Variants in LEMD3 observed in about 807,000 individuals in gnomAD.
LEMD3 encodes LEM domain containing 3.
In LEMD3, 33 loss-of-function variants were observed where a neutral mutation model predicts 95.2. The observed-to-expected ratio is 0.35, with a 90% CI of 0.26 to 0.46. LEMD3 has a LOEUF of 0.46. Ranked by LOEUF, LEMD3 falls within the 20% of genes least tolerant of loss-of-function variation. The pLI is 1.00. For missense variants in LEMD3, 1,210 were observed against 1,192.8 expected, an observed-to-expected ratio of 1.01 and a Z score of -0.21; for synonymous variants, 525 against 474.6, an observed-to-expected ratio of 1.11 and a Z score of -1.38.
rs1868462845 is a variant in LEMD3 at position 65,169,938 on chromosome 12, C to G, written c.342C>G (p.Gly114=). Residue 114 remains glycine (G), a synonymous_variant, in exon 1 of 13, where the codon GGC becomes GGG. Transcript: ENST00000308330. ...GCCTGTGCCGAATCTCGGCCTCTGG[C>G]CCAGAGAGCCTCCTGGGAGGGCCCG... ...PGGLCRISAS[G]PESLLGGPGG... 10 of 1,452,498 alleles carry G rather than the reference C, an allele frequency of 6.9e-6. No individual in the cohort carries two copies. Among genetic ancestry groups the G allele is most frequent in the African/African-American group, 1.5e-5 (1 of 67,260 alleles). 90.0% of individuals were successfully genotyped at this position (1,452,498 alleles called of 1,614,324 possible).
chr12:65,213,954 A>G (rs1280193104), intron 2 of LEMD3, among the ~76,000 whole-genome samples: 1 of 152,216 alleles, frequency 6.6e-6, no homozygotes, highest in Non-Finnish European at 1.5e-5. Flanking sequence ...TCCATAAGCT[A>G]CACTGTCATT....
At chr12:65,193,973 G>A (rs1037957665) in intron 1 of LEMD3, among the ~76,000 whole-genome samples, 1 of 152,002 alleles carries the variant, frequency 6.6e-6, no homozygotes, top group Non-Finnish European at 1.5e-5. Context: ...TGTTATGCTC[G>A]TATTATACTT....
chr12:65,203,793 TCA>T (rs1285608842), intron 1 of LEMD3, among the ~76,000 whole-genome samples: 2 of 152,178 alleles, frequency 1.3e-5, no homozygotes, highest in Admixed American at 6.5e-5. Flanking sequence ...AGTTTTTGCC[TCA>T]CATATTTTGA....
At chr12:65,220,381 G>T (rs1168736242) in intron 4 of LEMD3, among the ~76,000 whole-genome samples, 1 of 152,118 alleles carries the variant, frequency 6.6e-6, no homozygotes, top group Admixed American at 6.5e-5. Context: ...TTGGAGAAGT[G>T]CTATTCAAGT....
At chr12:65,171,216 A>G (rs1320482959) in intron 1 of LEMD3, 98 bp downstream of exon 1, 1 of 1,577,696 alleles carries the variant, frequency 6.3e-7, no homozygotes, top group Non-Finnish European at 8.6e-7. Flanking sequence ...CTTACCTGCA[A>G]GAATATGGTT....
At chr12:65,245,400 A>G (rs1355242334) in intron 10 of LEMD3, 1 of 387,544 alleles carries the variant, frequency 2.6e-6, no homozygotes, top group Non-Finnish European at 4.8e-6. Context: ...CGGCCTCTCA[A>G]AGTGCTGGGA....
intron 9 of LEMD3, among the ~76,000 whole-genome samples, chr12:65,242,627 C>T (rs921128751): frequency 6.6e-6 from 1 of 152,120 alleles, no homozygotes; most frequent in Non-Finnish European, 1.5e-5. Context: ...GTCATATCTA[C>T]TCCATAATAT....
chr12:65,196,703 A>T (rs1489436066), intron 1 of LEMD3, among the ~76,000 whole-genome samples: 1 of 152,094 alleles, frequency 6.6e-6, no homozygotes, highest in Non-Finnish European at 1.5e-5. Flanking sequence ...AAGAGAATTC[A>T]AAACAAGTAG....
At chr12:65,178,912 G>T (rs1283941591) in intron 1 of LEMD3, among the ~76,000 whole-genome samples, 1 of 152,072 alleles carries the variant, frequency 6.6e-6, no homozygotes, top group African/African-American at 2.4e-5. Context: ...CCTAGAAGTG[G>T]CAGGAATAAT....
chr12:65,204,855 A>T (rs1869714878), intron 1 of LEMD3, among the ~76,000 whole-genome samples: 1 of 152,182 alleles, frequency 6.6e-6, no homozygotes, highest in Non-Finnish European at 1.5e-5. Flanking sequence ...CAGATATCTC[A>T]AACTGAGGGT....
chr12:65,178,597 GTAA>G (rs942263045), intron 1 of LEMD3, among the ~76,000 whole-genome samples: 1 of 152,172 alleles, frequency 6.6e-6, no homozygotes, highest in Non-Finnish European at 1.5e-5. Context: ...ATGGCACATA[GTAA>G]TAATAATAAC....
chr12:65,217,003 C>T (rs985887367), intron 3 of LEMD3, among the ~76,000 whole-genome samples: 5 of 152,144 alleles, frequency 3.3e-5, no homozygotes, highest in East Asian at 1.9e-4. Flanking sequence ...TAAGTATATG[C>T]TAGTTATGCT....
rs1033501048 is a variant in LEMD3 at position 65,218,466 on chromosome 12, G to A, written c.1628-86G>A. 71 of 722,174 alleles carry A rather than the reference G, an allele frequency of 9.8e-5. 1 individual carries two copies. The highest frequency in any genetic ancestry group is 1.5e-4 in the Non-Finnish European group (63 of 419,234). The allele number at this position is 722,174 out of a possible 1,614,324, so 44.7% of individuals were successfully genotyped here. Reference sequence around the variant, plus strand: ...ATAATATAACCTGTAATTGTATAATGTATAAAATATTTGAATTAATTATGT... The same window carrying A: ...ATAATATAACCTGTAATTGTATAATATATAAAATATTTGAATTAATTATGT... On this transcript the variant is annotated intron_variant, in intron 3 of 12. Transcript: ENST00000308330.
intron 1 of LEMD3, among the ~76,000 whole-genome samples, chr12:65,191,221 A>G (rs1198264065): frequency 6.6e-6 from 1 of 152,088 alleles, no homozygotes; most frequent in African/African-American, 2.4e-5. Flanking sequence ...GAAACACTTT[A>G]GGATTATAGT....
At chr12:65,193,775 T>TGTGTGTGTGG in intron 1 of LEMD3, among the ~76,000 whole-genome samples, 2 of 145,150 alleles carry the variant, frequency 1.4e-5, no homozygotes, top group East Asian at 2.0e-4. Flanking sequence ...TGTGTGTGTG[T>TGTGTGTGTGG]TGGGGGAGGG....
chr12:65,245,131 T>C (rs1871058760), intron 10 of LEMD3, among the ~76,000 whole-genome samples: 2 of 150,268 alleles, frequency 1.3e-5, no homozygotes, highest in Admixed American at 6.6e-5. Flanking sequence ...CTCTCTGCAC[T>C]CTTTTTTTTT....
chr12:65,246,413 A>G lies in LEMD3; in HGVS notation c.*88A>G. ...GTCTTCCTTTTTAAATGCTTTTTGT[A>G]TGTAATATTTTTATTGATGAATACA... On this transcript the variant is annotated 3_prime_UTR_variant, in exon 13 of 13. Transcript: ENST00000308330. 1.9e-6 allele frequency: 2 copies of G among 1,061,452 alleles called. No individual in the cohort carries two copies. The highest frequency in any genetic ancestry group is 1.5e-6 in the Non-Finnish European group (1 of 688,624). 65.8% of individuals were successfully genotyped at this position (1,061,452 alleles called of 1,614,324 possible).
chr12:65,244,280 CA>C (rs1871026094), intron 10 of LEMD3, among the ~76,000 whole-genome samples: 5 of 140,694 alleles, frequency 3.6e-5, no homozygotes, highest in Admixed American at 2.1e-4. Context: ...CACACACACA[CA>C]CACACCCCCC....
chr12:65,242,219 G>T (rs1434327758), intron 9 of LEMD3, among the ~76,000 whole-genome samples: 4 of 151,716 alleles, frequency 2.6e-5, no homozygotes, highest in Non-Finnish European at 5.9e-5. Flanking sequence ...ACCTTCTTCT[G>T]TTTTTTTTCT....
Sources: allele counts gnomAD v4.1 joint callset (sites outside exome capture counted in the v4.1 genomes callset), GRCh38; gene constraint gnomAD v4.1.1; transcripts MANE v1.5; gene names NCBI Gene and HGNC (gene_info 2026-07-23, HGNC 2026-07-21).